The following ZNF783 variants were observed in gnomAD, a reference collection of about 807,000 sequenced individuals.
The protein encoded by ZNF783 is protein ZNF783.
A neutral mutation model predicts 31.3 loss-of-function variants in ZNF783; 25 were observed. The ratio of observed to expected loss-of-function variants is 0.80; its 90% CI spans 0.58 to 1.11. ZNF783 has a LOEUF of 1.11. ZNF783 is among the 50% of genes most tolerant of loss of function. The pLI is 0.00. For missense variants in ZNF783, 797 were observed against 760.0 expected (o/e 1.05, Z -0.57); for synonymous variants, 369 against 319.1 (o/e 1.16, Z -1.66).
At chr7:149,263,136 C>T (rs551294514) in intron 1 of ZNF783, among the ~76,000 whole-genome samples, 2 of 151,650 alleles carry the variant, frequency 1.3e-5, no homozygotes, top group Admixed American at 6.6e-5. Context: ...ACTATGTTGG[C>T]CAGGCTGGTC....
At position 149,266,976 on chromosome 7, in the gene ZNF783, T is replaced by C. The variant is rs1585608831; in HGVS notation, c.547+31T>C. On this transcript the variant is annotated intron_variant, in intron 3 of 5. Transcript: ENST00000434415. ...GCCACGGAGGGAGGATCTGGGCCTC[T>C]GTCCACAGGTTGTCTGTGGACAGTC... The C allele has an allele frequency of 3.7e-6, 6 of 1,613,970 alleles. No individual in the cohort carries two copies. The East Asian group carries it at 1.3e-4, about 36-fold the overall frequency.
chr7:149,273,036 T>C (rs932692719), intron 4 of ZNF783, among the ~76,000 whole-genome samples: 1 of 152,236 alleles, frequency 6.6e-6, no homozygotes, highest in African/African-American at 2.4e-5. Context: ...TCACTTAACA[T>C]GATGTCCTCC....
chr7:149,283,875 CT>C lies in ZNF783; in HGVS notation c.*1539del, dbSNP rs1210614192. 1.3e-5 allele frequency: 2 copies of C among 152,256 alleles called. No individual in the cohort carries two copies. Among genetic ancestry groups the C allele is most frequent in the African/African-American group, 2.4e-5 (1 of 41,456 alleles). The allele number at this position is 152,256 out of a possible 1,614,324, so 9.4% of individuals were successfully genotyped here. On this transcript the variant is annotated 3_prime_UTR_variant, in exon 6 of 6. Coordinates refer to ENST00000434415, the MANE Select transcript of ZNF783 (RefSeq NM_001195220.2). ...GGCCTCCTTTCTACTCCATTCCAGC[CT>C]TTTTTTCCTGTCAGAATCCCTCAGG...
intron 1 of ZNF783, among the ~76,000 whole-genome samples, chr7:149,263,313 TA>T (rs1563192912): frequency 2.2e-3 from 293 of 132,784 alleles, no homozygotes; most frequent in African/African-American, 8.5e-3. Context: ...TGTATATATA[TA>T]TATATATATA....
intron 4 of ZNF783, among the ~76,000 whole-genome samples, chr7:149,269,859 C>T (rs528326055): frequency 2.2e-5 from 3 of 135,748 alleles, no homozygotes; most frequent in Non-Finnish European, 4.6e-5. Flanking sequence ...TGTGATGTTT[C>T]CCTTTCTGTG....
At chr7:149,278,684 G>A (rs62505142) in intron 5 of ZNF783, among the ~76,000 whole-genome samples, 157 bp downstream of exon 5, 28,820 of 152,094 alleles carry the variant, frequency 0.19, 2,941 homozygotes, top group Admixed American at 0.31. Flanking sequence ...TGGGAAAGAG[G>A]CCCCTGAGAC....
chr7:149,279,638 T>G (rs1179781995), intron 5 of ZNF783, among the ~76,000 whole-genome samples: 7 of 147,054 alleles, frequency 4.8e-5, no homozygotes, highest in South Asian at 2.2e-4. Flanking sequence ...CTTTGTTTTT[T>G]TTTTTTTTTT....
rs539890706 is a variant in ZNF783, at chr7:149,278,760, T to G, written c.802+233T>G. ...AAAACAGTCTGTATAGAGGGGTGGGTTCCTCTGCGTGTTGGGGGCCTGGGC... is the reference window on the plus strand; with the variant it reads ...AAAACAGTCTGTATAGAGGGGTGGGGTCCTCTGCGTGTTGGGGGCCTGGGC... On this transcript the variant is annotated intron_variant, in intron 5 of 5. Transcript: ENST00000434415. Among the ~76,000 whole-genome samples, 3 of 152,078 alleles carry G rather than the reference T, an allele frequency of 2.0e-5. No individual in the cohort carries two copies. In the South Asian group the frequency reaches 6.2e-4, roughly 32 times the overall value.
chr7:149,278,518 C>T lies in ZNF783; in HGVS notation c.793C>T (p.Pro265Ser), dbSNP rs757185010. 1.3e-6 allele frequency: 2 copies of T among 1,599,282 alleles called. No individual in the cohort carries two copies. The highest frequency in any genetic ancestry group is 1.7e-6 in the Non-Finnish European group (2 of 1,179,750). Reference sequence around the variant, plus strand: ...AGAGGCGAGAGTGGCCCCAGCCGGGCCAGAAGCAGGTGAGTGAGGACAGTG... The same window carrying T: ...AGAGGCGAGAGTGGCCCCAGCCGGGTCAGAAGCAGGTGAGTGAGGACAGTG... ...DSEARVAPAG[P>S]EAGGGVAIKT... The change falls in exon 5 of 6, where the codon CCA (proline) becomes TCA (serine). Residue 265 changes from proline to serine, a missense_variant. By Grantham distance (74) the Pro-to-Ser change is moderately conservative (BLOSUM62 -1). Transcript: ENST00000434415.
intron 4 of ZNF783, among the ~76,000 whole-genome samples, chr7:149,272,019 A>G (rs1171675458): frequency 6.6e-6 from 1 of 151,932 alleles, no homozygotes; most frequent in Non-Finnish European, 1.5e-5. Context: ...TTTTTTTTAA[A>G]TTTATTTTTT....
chr7:149,269,944 G>A (rs368823463), intron 4 of ZNF783, among the ~76,000 whole-genome samples: 15 of 151,746 alleles, frequency 9.9e-5, no homozygotes, highest in East Asian at 5.8e-4. Context: ...CCTTGCGATA[G>A]TTTGCTGAGA....
intron 1 of ZNF783, among the ~76,000 whole-genome samples, chr7:149,263,265 C>T (rs71529700): frequency 0.017 from 2,110 of 121,402 alleles, 26 homozygotes; most frequent in Non-Finnish European, 0.025. Flanking sequence ...TATATATATA[C>T]GTGTGTGTGT....
chr7:149,274,564 C>T (rs1797283620), intron 4 of ZNF783, among the ~76,000 whole-genome samples: 1 of 152,200 alleles, frequency 6.6e-6, no homozygotes, highest in South Asian at 2.1e-4. Flanking sequence ...CGGAGTTTCA[C>T]CATATTGGTC....
intron 4 of ZNF783, among the ~76,000 whole-genome samples, chr7:149,276,064 A>AT (rs943435843): frequency 4.6e-5 from 7 of 151,632 alleles, no homozygotes; most frequent in Non-Finnish European, 8.8e-5. Context: ...TCATTTTTGT[A>AT]TTTTTTTGTA....
chr7:149,276,779 C>A, intron 4 of ZNF783: 1 of 255,926 alleles, frequency 3.9e-6, no homozygotes, highest in Non-Finnish European at 6.1e-6. Context: ...TCAAGCCATC[C>A]TCCTGCCTCA....
Position 149,278,408 on chromosome 7 carries a change from C to G in ZNF783, c.683C>G (p.Pro228Arg), listed in dbSNP as rs777858074. The G allele has an allele frequency of 6.3e-7, 1 of 1,599,310 alleles. No individual in the cohort carries two copies. The highest frequency in any genetic ancestry group is 2.2e-5 in the East Asian group (1 of 44,866). The change falls in exon 5 of 6, where the codon CCG becomes CGG. Residue 228 changes from proline (P) to arginine (R), a missense_variant. Coordinates refer to ENST00000434415, the MANE Select transcript of ZNF783 (RefSeq NM_001195220.2). ...RPRMMGTGLPPYPEHLTSPLS... is the reference protein window; with the variant it reads ...RPRMMGTGLPRYPEHLTSPLS... ...GATTTACATTCTCCAGGCCTCCCTCCGTATCCAGAGCACCTCACCAGCCCA... is the reference window on the plus strand; with the variant it reads ...GATTTACATTCTCCAGGCCTCCCTCGGTATCCAGAGCACCTCACCAGCCCA...
intron 4 of ZNF783, among the ~76,000 whole-genome samples, chr7:149,273,932 C>T (rs925418750): frequency 2.6e-5 from 4 of 152,050 alleles, no homozygotes; most frequent in African/African-American, 9.7e-5. Context: ...GATTTTTTTC[C>T]TATAGATTTG....
chr7:149,272,922 C>A (rs1021189145), intron 4 of ZNF783, among the ~76,000 whole-genome samples: 7 of 151,728 alleles, frequency 4.6e-5, no homozygotes, highest in Non-Finnish European at 1.0e-4. Flanking sequence ...CCTTCAGTAA[C>A]CATCATTCAA....
chr7:149,266,801 C>A lies in ZNF783; in HGVS notation c.421-18C>A. On this transcript the variant is annotated intron_variant, in intron 2 of 5. Transcript: ENST00000434415. Reference sequence around the variant, plus strand: ...CTGTGAGCGTGTGGGTGAGTGAGTGCGACACTTATGGTTCCAGGTGCCCGT... The same window carrying A: ...CTGTGAGCGTGTGGGTGAGTGAGTGAGACACTTATGGTTCCAGGTGCCCGT... 1 of 1,613,780 alleles carries A rather than the reference C, an allele frequency of 6.2e-7. No homozygotes were observed. The highest frequency in any genetic ancestry group is 8.5e-7 in the Non-Finnish European group (1 of 1,179,998).
Sources: allele counts gnomAD v4.1 joint callset (sites outside exome capture counted in the v4.1 genomes callset), GRCh38; gene constraint gnomAD v4.1.1; transcripts MANE v1.5; gene names NCBI Gene and HGNC (gene_info 2026-07-23, HGNC 2026-07-21).